The following MYO6 variants were observed in gnomAD, a reference collection of about 807,000 sequenced individuals.
The protein encoded by MYO6 is myosin VI.
Under a neutral mutation model 178.7 loss-of-function variants are expected in MYO6, and 74 were observed. The observed-to-expected ratio is 0.41, with a 90% CI of 0.34 to 0.50. The LOEUF is 0.50. MYO6 is among the 20% of genes least tolerant of loss of function. The pLI is 0.09. For missense variants in MYO6, 1,330 were observed against 1,547.4 expected (o/e 0.86, Z 2.36); for synonymous variants, 477 against 504.6 (o/e 0.95, Z 0.73).
intron 1 of MYO6, among the ~76,000 whole-genome samples, chr6:75,762,262 A>G (rs1778021198): frequency 6.6e-6 from 1 of 152,292 alleles, no homozygotes; most frequent in Non-Finnish European, 1.5e-5. Flanking sequence ...CTTGAGGGCC[A>G]ATTATATGCC....
At chr6:75,803,620 A>C (rs149594123) in intron 1 of MYO6, among the ~76,000 whole-genome samples, 1 of 152,278 alleles carries the variant, frequency 6.6e-6, no homozygotes, top group East Asian at 1.9e-4. Flanking sequence ...TGAAAAAAAA[A>C]TCAAAATTAC....
intron 19 of MYO6, among the ~76,000 whole-genome samples, chr6:75,872,315 T>G (rs1777222020): frequency 6.6e-6 from 1 of 152,228 alleles, no homozygotes; most frequent in South Asian, 2.1e-4. Flanking sequence ...TCTACCTCAT[T>G]CAGCATAATC....
intron 1 of MYO6, among the ~76,000 whole-genome samples, chr6:75,769,090 A>G (rs563863572): frequency 6.6e-6 from 1 of 152,320 alleles, no homozygotes; most frequent in South Asian, 2.1e-4. Flanking sequence ...TGGGGGTGGC[A>G]CCAAGCCATT....
At chr6:75,847,634 T>C (rs1774856225) in intron 10 of MYO6, among the ~76,000 whole-genome samples, 1 of 152,090 alleles carries the variant, frequency 6.6e-6, no homozygotes, top group East Asian at 1.9e-4. Context: ...AGTCATTGTG[T>C]AAATTATTAG....
At chr6:75,859,472 G>T (rs1353724556) in intron 14 of MYO6, among the ~76,000 whole-genome samples, 2 of 149,884 alleles carry the variant, frequency 1.3e-5, no homozygotes, top group African/African-American at 4.9e-5. Flanking sequence ...ACAAATTTTT[G>T]TATTTTTAGT....
chr6:75,844,680 G>T lies in MYO6; in HGVS notation c.817-217G>T, dbSNP rs181065130. On this transcript the variant is annotated intron_variant, in intron 9 of 34. Transcript: ENST00000369977. ...TTTTTAATCATTTTATTTAATCTAT[G>T]CTCAGAGATTAGGATTTTTAATATT... Among the ~76,000 whole-genome samples the T allele has an allele frequency of 5.8e-4, 88 of 151,994 alleles. No individual in the cohort carries two copies. The highest frequency in any genetic ancestry group is 1.4e-3 in the Admixed American group (22 of 15,254).
intron 20 of MYO6, among the ~76,000 whole-genome samples, chr6:75,874,333 G>A (rs528626231): frequency 3.3e-4 from 50 of 152,290 alleles, no homozygotes; most frequent in African/African-American, 1.2e-3. Flanking sequence ...GATGGCACCA[G>A]TTAAATTCAT....
intron 33 of MYO6, among the ~76,000 whole-genome samples, chr6:75,912,602 A>G (rs748432360): frequency 4.6e-5 from 7 of 152,226 alleles, no homozygotes; most frequent in South Asian, 2.1e-4. Flanking sequence ...AAAGTAGGTT[A>G]ATTAATGAAT....
chr6:75,796,592 G>A (rs183070436), intron 1 of MYO6, among the ~76,000 whole-genome samples: 80 of 146,370 alleles, frequency 5.5e-4, no homozygotes, highest in Admixed American at 8.9e-4. Context: ...CTCCTTCTCT[G>A]CCCCCTCTAG....
chr6:75,806,669 C>A (rs1403032573), intron 1 of MYO6, among the ~76,000 whole-genome samples: 1 of 152,234 alleles, frequency 6.6e-6, no homozygotes, highest in Admixed American at 6.5e-5. Flanking sequence ...TGCTTAAAGA[C>A]ATTCTTAAGC....
chr6:75,790,527 G>A (rs1365277946), intron 1 of MYO6, among the ~76,000 whole-genome samples: 1 of 151,934 alleles, frequency 6.6e-6, no homozygotes, highest in Admixed American at 6.6e-5. Flanking sequence ...GATTACAGGT[G>A]TGTGCCATCA....
At chr6:75,756,893 G>GTATATA (rs371732070) in intron 1 of MYO6, among the ~76,000 whole-genome samples, 2 of 79,760 alleles carry the variant, frequency 2.5e-5, no homozygotes, top group African/African-American at 6.6e-5. Context: ...TGTTGTGTGT[G>GTATATA]TATATATATA....
At chr6:75,843,236 C>G (rs1219691543) in intron 9 of MYO6, among the ~76,000 whole-genome samples, 1 of 152,142 alleles carries the variant, frequency 6.6e-6, no homozygotes, top group South Asian at 2.1e-4. Context: ...AGGTTGAACA[C>G]TTGTAAAATT....
At chr6:75,847,921 A>G (rs1204344787) in intron 10 of MYO6, among the ~76,000 whole-genome samples, 1 of 152,106 alleles carries the variant, frequency 6.6e-6, no homozygotes, top group East Asian at 1.9e-4. Flanking sequence ...TGTTTGATAC[A>G]TGTATACATT....
At position 75,817,560 on chromosome 6, in the gene MYO6, A is replaced by G; in HGVS notation, c.13A>G (p.Lys5Glu). Residue 5 changes from lysine (K) to glutamate (E), a missense_variant, in exon 2 of 35, where the codon AAG (lysine) becomes GAG (glutamate). Lys to Glu is a moderately conservative substitution (Grantham distance 56). Around this residue, in one of 3 missense-constraint regions of MYO6, gnomAD observed 116 missense variants for 104.6 expected, o/e 1.11. Transcript: ENST00000369977. MEDG[K>E]PVWAPHPTDG... ...TCCTCCTTCAAAAATGGAGGATGGA[A>G]AGCCCGTTTGGGCGCCACACCCTAC... The G allele has an allele frequency of 6.2e-7, 1 of 1,614,176 alleles. No individual in the cohort carries two copies. The highest frequency in any genetic ancestry group is 1.1e-5 in the South Asian group (1 of 91,090).
chr6:75,808,499 G>A (rs891261960), intron 1 of MYO6, among the ~76,000 whole-genome samples: 3 of 152,084 alleles, frequency 2.0e-5, no homozygotes, highest in Admixed American at 6.6e-5. Flanking sequence ...AGACATTGAG[G>A]GTTAAGGCTT....
intron 1 of MYO6, among the ~76,000 whole-genome samples, chr6:75,769,075 A>G (rs533619634): frequency 1.3e-5 from 2 of 152,180 alleles, no homozygotes; most frequent in African/African-American, 2.4e-5. Flanking sequence ...GCACTCACTC[A>G]TTTGTGGGGG....
rs1218595115 is a variant in MYO6, at chr6:75,917,595, TGTAGGAGCACAG to T, written c.*2585_*2596del. The T allele has an allele frequency of 5.9e-5, 9 of 152,228 alleles. No homozygotes were observed. Among genetic ancestry groups the T allele is most frequent in the African/African-American group, 2.2e-4 (9 of 41,460 alleles). 9.4% of individuals were successfully genotyped at this position (152,228 alleles called of 1,614,324 possible). On this transcript the variant is annotated 3_prime_UTR_variant, in exon 35 of 35. Transcript: ENST00000369977. ...TATGAGGAAGAAACAAAACAGTGCA[TGTAGGAGCACAG>T]GGCCACACAAAGGCATTCTATTGTT... is the stretch of plus-strand genomic sequence containing the variant.
At chr6:75,879,733 C>G in intron 20 of MYO6, 87 bp from the exon 21 acceptor site, 3 of 1,586,362 alleles carry the variant, frequency 1.9e-6, no homozygotes, top group Middle Eastern at 1.7e-4. Context: ...CGTTTCTAAA[C>G]AGTATCTTAC....
Sources: allele counts gnomAD v4.1 joint callset (sites outside exome capture counted in the v4.1 genomes callset), GRCh38; gene constraint gnomAD v4.1.1; regional missense constraint gnomAD v4.1.1; transcripts MANE v1.5; gene names NCBI Gene and HGNC (gene_info 2026-07-23, HGNC 2026-07-21).